LAMC1: variants seen among roughly 807,000 people sequenced by gnomAD.
LAMC1 encodes the protein laminin subunit gamma 1.
LAMC1 carries 38 observed loss-of-function variants against 173.6 expected under a neutral mutation model. That is an observed-to-expected ratio of 0.22 (90% CI 0.17 to 0.29). The LOEUF is 0.29. Ranked by LOEUF, LAMC1 falls within the 10% of genes least tolerant of loss-of-function variation. The pLI is 1.00. For missense variants in LAMC1, 1,824 were observed against 2,051.8 expected (o/e 0.89, Z 2.14); for synonymous variants, 746 against 749.1 (o/e 1.00, Z 0.07).
At chr1:183,125,049 G>A (rs1656582504) in intron 14 of LAMC1, 173 bp downstream of exon 14, 2 of 793,240 alleles carry the variant, frequency 2.5e-6, no homozygotes, top group Non-Finnish European at 3.9e-6. Context: ...AAGAAGGACA[G>A]TCATGGTGGC....
chr1:183,075,653 T>G (rs1655106331), intron 1 of LAMC1, among the ~76,000 whole-genome samples: 1 of 152,198 alleles, frequency 6.6e-6, no homozygotes, highest in South Asian at 2.1e-4. Context: ...GTTTTTAATA[T>G]TTTCTCCACA....
intron 1 of LAMC1, among the ~76,000 whole-genome samples, chr1:183,051,282 G>A (rs796675181): frequency 2.1e-4 from 32 of 152,286 alleles, no homozygotes; most frequent in African/African-American, 7.0e-4. Flanking sequence ...CCTGCCTTTT[G>A]GATCCTGAAC....
chr1:183,113,778 A>G (rs1235772563), intron 4 of LAMC1, among the ~76,000 whole-genome samples: 1 of 152,190 alleles, frequency 6.6e-6, no homozygotes, highest in African/African-American at 2.4e-5. Context: ...GTCTTAATGT[A>G]TTTGACTCAT....
Position 183,117,346 on chromosome 1 carries a change from A to G in LAMC1, c.1591A>G (p.Arg531Gly). ...TGAGGATGGGTGGCGTGCGGAACAG[A>G]GAGATGGCTCTGAAGCATCTCTCGA... ...IDEDGWRAEQ[R>G]DGSEASLEWS... Residue 531 changes from arginine to glycine, a missense_variant, in exon 9 of 28, where the codon AGA (arginine) becomes GGA (glycine). Coordinates refer to ENST00000258341, the MANE Select transcript of LAMC1 (RefSeq NM_002293.4). 6.2e-7 allele frequency: 1 copy of G among 1,611,686 alleles called. No homozygotes were observed. The highest frequency in any genetic ancestry group is 1.1e-5 in the South Asian group (1 of 91,016).
chr1:183,108,012 C>T (rs1656032510), intron 2 of LAMC1, among the ~76,000 whole-genome samples: 1 of 152,064 alleles, frequency 6.6e-6, no homozygotes, highest in Non-Finnish European at 1.5e-5. Flanking sequence ...ATTTAAGCCT[C>T]TCAGCAGCCT....
intron 27 of LAMC1, 65 bp downstream of exon 27, chr1:183,140,568 A>G: frequency 3.0e-6 from 3 of 995,642 alleles, no homozygotes; most frequent in South Asian, 3.1e-5. Context: ...AGGATCTGAT[A>G]TAGTACAGTT....
At chr1:183,026,442 T>C (rs1653689270) in intron 1 of LAMC1, among the ~76,000 whole-genome samples, 1 of 152,026 alleles carries the variant, frequency 6.6e-6, no homozygotes, top group Non-Finnish European at 1.5e-5. Context: ...TATGTATACA[T>C]GTATGTTTCG....
At chr1:183,055,835 T>G (rs566989647) in intron 1 of LAMC1, among the ~76,000 whole-genome samples, 1 of 151,632 alleles carries the variant, frequency 6.6e-6, no homozygotes, top group Non-Finnish European at 1.5e-5. Context: ...AAAAAAGAAA[T>G]AAAGGCATTA....
chr1:183,036,648 C>T (rs1425889718), intron 1 of LAMC1, among the ~76,000 whole-genome samples: 2 of 152,162 alleles, frequency 1.3e-5, no homozygotes, highest in African/African-American at 4.8e-5. Flanking sequence ...GCCTCGGCTT[C>T]CCAAAGTGCT....
At chr1:183,118,234 T>C in intron 11 of LAMC1, 88 bp downstream of exon 11, 1 of 748,598 alleles carries the variant, frequency 1.3e-6, no homozygotes, top group Non-Finnish European at 2.3e-6. Flanking sequence ...TCTTTCCTAA[T>C]AATATAACAC....
At chr1:183,107,964 T>C (rs755782348) in intron 2 of LAMC1, among the ~76,000 whole-genome samples, 4 of 152,322 alleles carry the variant, frequency 2.6e-5, no homozygotes, top group Non-Finnish European at 5.9e-5. Context: ...AAGGGGCATG[T>C]GTATCGAGTC....
At chr1:183,030,189 A>G (rs553474300) in intron 1 of LAMC1, among the ~76,000 whole-genome samples, 4 of 152,186 alleles carry the variant, frequency 2.6e-5, no homozygotes, top group African/African-American at 9.7e-5. Flanking sequence ...GTTTTTGCAC[A>G]ATAAGGGCAG....
rs1655160140 is a variant in LAMC1 at position 183,077,828 on chromosome 1, T to C, written c.419-25500T>C. ...CACAGTTTTTTTATTCACTCATTGA[T>C]TGATGGACATTTGGGTTGGTTCCAC... On this transcript the variant is annotated intron_variant, in intron 1 of 27. Coordinates refer to ENST00000258341, the MANE Select transcript of LAMC1 (RefSeq NM_002293.4). Among the ~76,000 whole-genome samples, 3 of 142,004 alleles carry C rather than the reference T, an allele frequency of 2.1e-5. No homozygotes were observed. In the South Asian group the frequency reaches 6.8e-4, roughly 32 times the overall value. The allele number at this position is 142,004 out of a possible 152,430, so 93.2% of individuals were successfully genotyped here.
At chr1:183,121,667 C>A in intron 11 of LAMC1, 56 bp from the exon 12 acceptor site, 1 of 1,478,404 alleles carries the variant, frequency 6.8e-7, no homozygotes, top group Non-Finnish European at 9.2e-7. Context: ...ACTGACTTTA[C>A]ACAAGGTTTG....
At chr1:183,105,243 AAAAG>A (rs1345295144) in intron 2 of LAMC1, among the ~76,000 whole-genome samples, 2,148 of 124,980 alleles carry the variant, frequency 0.017, 122 homozygotes, top group Middle Eastern at 0.026. Flanking sequence ...AAAAAAAAAA[AAAAG>A]AAAGAAAGAA....
intron 21 of LAMC1, among the ~76,000 whole-genome samples, 173 bp downstream of exon 21, chr1:183,132,710 A>G (rs1366999408): frequency 6.6e-6 from 1 of 152,210 alleles, no homozygotes. Context: ...ATGTGAAGCC[A>G]CAGAGATTTG....
intron 1 of LAMC1, among the ~76,000 whole-genome samples, chr1:183,094,526 A>G (rs1464220151): frequency 6.6e-6 from 1 of 152,222 alleles, no homozygotes; most frequent in Non-Finnish European, 1.5e-5. Flanking sequence ...TGCCTAGAAC[A>G]GGGACTGACA....
At chr1:183,041,256 G>A (rs1179581051) in intron 1 of LAMC1, among the ~76,000 whole-genome samples, 1 of 152,154 alleles carries the variant, frequency 6.6e-6, no homozygotes, top group Non-Finnish European at 1.5e-5. Flanking sequence ...TTATTCCCCT[G>A]CCTTTAATTT....
rs749646914 is a variant in LAMC1 at position 183,137,803 on chromosome 1, C to T, written c.4449C>T (p.Asp1483=). 3 of 1,609,254 alleles carry T rather than the reference C, an allele frequency of 1.9e-6. No individual in the cohort carries two copies. Among genetic ancestry groups the T allele is most frequent in the Non-Finnish European group, 2.5e-6 (3 of 1,177,740 alleles). ...TAAAGAGAAAACAAGATGACGCTGA[C>T]CAGGACATGATGATGGCAGGGATGG... is the stretch of plus-strand genomic sequence containing the variant. The part of the protein sequence containing the change: ...KELKRKQDDA[D]QDMMMAGMAS... The change falls in exon 26 of 28, where the codon GAC becomes GAT. Residue 1483 remains aspartate, a synonymous_variant. Transcript: ENST00000258341.
Sources: gnomAD v4.1 joint callset for allele counts (sites outside exome capture counted in the v4.1 genomes callset) on GRCh38, gnomAD v4.1.1 for gene constraint, MANE v1.5 for transcripts, NCBI Gene and HGNC (gene_info 2026-07-23, HGNC 2026-07-21) for gene names.